Variants in NDUFA13 observed in about 807,000 individuals in gnomAD.
NDUFA13 encodes the protein NADH:ubiquinone oxidoreductase subunit A13.
A neutral mutation model predicts 17.0 loss-of-function variants in NDUFA13; 16 were observed. That is an observed-to-expected ratio of 0.94 (90% CI 0.64 to 1.43). The LOEUF is 1.43. NDUFA13 is among the 40% of genes most tolerant of loss of function. The probability of loss-of-function intolerance (pLI) is 0.00; values close to 1 mark genes in which losing one functional copy is unlikely to be tolerated. For missense variants in NDUFA13, 228 were observed against 206.7 expected (o/e 1.10, Z -0.63); for synonymous variants, 87 against 78.4 (o/e 1.11, Z -0.58).
chr19:19,525,294 G>C lies in NDUFA13; in HGVS notation c.95-888G>C, dbSNP rs1281882637. Among the ~76,000 whole-genome samples the C allele has an allele frequency of 2.0e-5, 3 of 152,272 alleles. 1 individual carries two copies. The highest frequency in any genetic ancestry group is 4.4e-5 in the Non-Finnish European group (3 of 68,046). On this transcript the variant is annotated intron_variant, in intron 1 of 4. Transcript: ENST00000507754. ...TTCTCATTTATCTCCGGGTCTAGCA[G>C]AGGTGCCCCCGTGAGCTCCATGCTG...
intron 4 of NDUFA13, 103 bp from the exon 5 acceptor site, chr19:19,527,904 T>A: frequency 6.6e-7 from 1 of 1,504,516 alleles, no homozygotes; most frequent in Non-Finnish European, 9.1e-7. Flanking sequence ...AAGGGAAGGC[T>A]GTAGCGCCTG....
At chr19:19,518,122 TAA>T (rs1158640419) in intron 1 of NDUFA13, among the ~76,000 whole-genome samples, 5 of 137,280 alleles carry the variant, frequency 3.6e-5, no homozygotes, top group Admixed American at 7.2e-5. Flanking sequence ...TACCAAAAAT[TAA>T]AAAAAAAAAA....
At chr19:19,527,179 C>T (rs1398814963) in intron 2 of NDUFA13, 102 bp from the exon 3 acceptor site, 66 of 1,260,076 alleles carry the variant, frequency 5.2e-5, no homozygotes, top group East Asian at 4.9e-4. Flanking sequence ...CGCCCCCCTC[C>T]GCCTCTTCCC....
In NDUFA13 at chr19:19,527,365, GGGCCAA is replaced by G; in HGVS notation, c.245+16_245+21del. On this transcript the variant is annotated intron_variant, in intron 3 of 4. Coordinates refer to ENST00000507754, the MANE Select transcript of NDUFA13 (RefSeq NM_015965.7). ...AAACCGACCGGAGGTAGCACCGCAG[GGGCCAA>G]GGTTGGGAGGTCACTGGCCGGAAGG... 3 of 1,613,730 alleles carry G rather than the reference GGGCCAA, an allele frequency of 1.9e-6. No individual in the cohort carries two copies. The highest frequency in any genetic ancestry group is 2.5e-6 in the Non-Finnish European group (3 of 1,179,992).
At chr19:19,522,520 A>C (rs1245960583) in intron 1 of NDUFA13, among the ~76,000 whole-genome samples, 2 of 115,090 alleles carry the variant, frequency 1.7e-5, no homozygotes, top group African/African-American at 7.2e-5. Flanking sequence ...GCTCTGTCAC[A>C]CAGGCTGGAG....
chr19:19,522,378 G>C (rs1427838329), intron 1 of NDUFA13, among the ~76,000 whole-genome samples: 2 of 151,130 alleles, frequency 1.3e-5, no homozygotes, highest in African/African-American at 4.9e-5. Flanking sequence ...TGTGCTTCTG[G>C]TGTCATATCT....
chr19:19,520,865 C>T (rs1345405562), intron 1 of NDUFA13, among the ~76,000 whole-genome samples: 2 of 152,140 alleles, frequency 1.3e-5, no homozygotes, highest in Non-Finnish European at 2.9e-5. Context: ...ACCGTGTGGC[C>T]TTTTGTTTCT....
At position 19,526,293 on chromosome 19, in the gene NDUFA13, C is replaced by T. The variant is rs991895592; in HGVS notation, c.173+33C>T. 4 of 1,605,382 alleles carry T rather than the reference C, an allele frequency of 2.5e-6. No individual in the cohort carries two copies. The African/African-American group carries it at 5.4e-5, about 22-fold the overall frequency. On this transcript the variant is annotated intron_variant, in intron 2 of 4. Transcript: ENST00000507754. ...CCCTGGTGGGCGTTGTCTGAAAGTG[C>T]CCCCCCGGCGAGTTGTCGGGGTCCT...
intron 1 of NDUFA13, among the ~76,000 whole-genome samples, chr19:19,518,729 ATTTT>A (rs566386690): frequency 5.9e-5 from 2 of 34,116 alleles, no homozygotes; most frequent in Non-Finnish European, 1.2e-4. Context: ...ATGCCCTGCG[ATTTT>A]TTTTTTTTTT....
At position 19,519,045 on chromosome 19, in the gene NDUFA13, A is replaced by ATTT. The variant is rs71170693; in HGVS notation, c.94+2728_94+2730dup. Among the ~76,000 whole-genome samples the ATTT allele has an allele frequency of 1.4e-3, 162 of 114,874 alleles. 1 individual carries two copies. The highest frequency in any genetic ancestry group is 0.011 in the South Asian group (39 of 3,402). 75.4% of individuals were successfully genotyped at this position (114,874 alleles called of 152,430 possible). On this transcript the variant is annotated intron_variant, in intron 1 of 4. Transcript: ENST00000507754. ...AGGTGTGAGCCACTGGGCCCGGCCT[A>ATTT]TTTTTTTTTTTTTTTTTGTATTTTT...
At chr19:19,517,364 A>G (rs1432373028) in intron 1 of NDUFA13, among the ~76,000 whole-genome samples, 1 of 151,678 alleles carries the variant, frequency 6.6e-6, no homozygotes, top group East Asian at 1.9e-4. Context: ...CTGGGATTAC[A>G]AGCATGCGCC....
Position 19,527,707 on chromosome 19 carries a change from G to A in NDUFA13, c.252G>A (p.Leu84=). Residue 84 remains leucine, a synonymous_variant, in exon 4 of 5, where the codon TTG becomes TTA. Coordinates refer to ENST00000507754, the MANE Select transcript of NDUFA13 (RefSeq NM_015965.7). ...LLQAETDRRT[L]QMLRENLEEE... Reference sequence around the variant, plus strand: ...ATCGGCCCCATCCCCACAGGACCTTGCAGATGCTTCGGGAGAACCTGGAGG... The same window carrying A: ...ATCGGCCCCATCCCCACAGGACCTTACAGATGCTTCGGGAGAACCTGGAGG... 1 of 1,552,202 alleles carries A rather than the reference G, an allele frequency of 6.4e-7. No homozygotes were observed. Among genetic ancestry groups the A allele is most frequent in the Non-Finnish European group, 8.7e-7 (1 of 1,147,198 alleles).
At chr19:19,526,614 G>A (rs2061100844) in intron 2 of NDUFA13, 15 of 371,360 alleles carry the variant, frequency 4.0e-5, no homozygotes, top group South Asian at 3.3e-4. Flanking sequence ...ATTAGGACAG[G>A]ATATGAGTGG....
chr19:19,521,837 C>G (rs1048266952), intron 1 of NDUFA13, among the ~76,000 whole-genome samples: 1 of 150,858 alleles, frequency 6.6e-6, no homozygotes, highest in Non-Finnish European at 1.5e-5. Context: ...CTCCTGACCT[C>G]GTGATCCGCC....
chr19:19,526,148 G>T, intron 1 of NDUFA13, 34 bp from the exon 2 acceptor site: 1 of 1,609,934 alleles, frequency 6.2e-7, no homozygotes, highest in Non-Finnish European at 8.5e-7. Context: ...GTCTGGGGGC[G>T]GGCTGGCCCG....
intron 1 of NDUFA13, among the ~76,000 whole-genome samples, chr19:19,521,014 A>G (rs1297146981): frequency 6.6e-6 from 1 of 152,182 alleles, no homozygotes; most frequent in Non-Finnish European, 1.5e-5. Flanking sequence ...GTTTGTATGG[A>G]TGTAGATTTT....
intron 1 of NDUFA13, among the ~76,000 whole-genome samples, chr19:19,522,313 A>G (rs2061081422): frequency 6.6e-6 from 1 of 151,886 alleles, no homozygotes; most frequent in Non-Finnish European, 1.5e-5. Flanking sequence ...TCAAAAATAC[A>G]TGTATAATAA....
intron 2 of NDUFA13, 119 bp from the exon 3 acceptor site, chr19:19,527,162 G>GCCACCCCC: frequency 1.7e-5 from 14 of 837,454 alleles, no homozygotes; most frequent in Non-Finnish European, 1.9e-5. Flanking sequence ...CCCCCTGCCT[G>GCCACCCCC]CCTCCCCGCC....
intron 1 of NDUFA13, among the ~76,000 whole-genome samples, chr19:19,522,232 G>C (rs2061081127): frequency 6.6e-6 from 1 of 151,832 alleles, no homozygotes. Flanking sequence ...GTGAACCCGG[G>C]AGGCGGAGCT....
Sources: gnomAD v4.1 joint callset for allele counts (sites outside exome capture counted in the v4.1 genomes callset) on GRCh38, gnomAD v4.1.1 for gene constraint, MANE v1.5 for transcripts, NCBI Gene and HGNC (gene_info 2026-07-23, HGNC 2026-07-21) for gene names.